Variants in RALA observed in about 807,000 individuals in gnomAD.
RALA encodes the protein ras-related protein Ral-A.
Under a neutral mutation model 24.0 loss-of-function variants are expected in RALA, and 5 were observed. The observed-to-expected ratio is 0.21, with a 90% CI of 0.11 to 0.44. The LOEUF is 0.44. RALA is among the 20% of genes least tolerant of loss of function. The pLI, the probability that RALA is intolerant of heterozygous loss-of-function variation, is 0.99. For synonymous variants in RALA, 77 were observed against 83.8 expected, an observed-to-expected ratio of 0.92 and a Z score of 0.44; for missense variants, 95 against 241.2, an observed-to-expected ratio of 0.39 and a Z score of 4.01.
intron 1 of RALA, among the ~76,000 whole-genome samples, chr7:39,663,433 A>G (rs932870060): frequency 6.6e-6 from 1 of 152,188 alleles, no homozygotes; most frequent in African/African-American, 2.4e-5. Flanking sequence ...GTGTTTGTAC[A>G]ACACTGTAAA....
At chr7:39,682,064 A>G (rs1349164011) in intron 1 of RALA, among the ~76,000 whole-genome samples, 2 of 152,260 alleles carry the variant, frequency 1.3e-5, no homozygotes, top group African/African-American at 4.8e-5. Context: ...AGGCTCCCTC[A>G]GTTTGAATTC....
At chr7:39,642,725 C>T (rs993280711) in intron 1 of RALA, among the ~76,000 whole-genome samples, 2 of 152,088 alleles carry the variant, frequency 1.3e-5, no homozygotes, top group Non-Finnish European at 2.9e-5. Flanking sequence ...TCTCTTTATT[C>T]CTTGGTTTGC....
intron 3 of RALA, among the ~76,000 whole-genome samples, chr7:39,693,368 T>G (rs916215659): frequency 2.0e-5 from 3 of 151,512 alleles, no homozygotes. Flanking sequence ...AATTGAACAA[T>G]GAGAACACTT....
Position 39,706,199 on chromosome 7 carries a change from G to A in RALA, c.575G>A (p.Arg192Lys). The change falls in exon 5 of 5, where the codon AGG becomes AAG. Residue 192 changes from arginine to lysine, a missense_variant. Physicochemically the swap from Arg to Lys is conservative, Grantham distance 26. Transcript: ENST00000005257. ...AAAGAAAAGAATGGAAAAAAGAAGA[G>A]GAAAAGTTTAGCCAAGAGAATCAGA... ...DSKEKNGKKKRKSLAKRIRER... is the reference protein window; with the variant it reads ...DSKEKNGKKKKKSLAKRIRER... 6.2e-7 allele frequency: 1 copy of A among 1,609,832 alleles called. No homozygotes were observed. The highest frequency in any genetic ancestry group is 8.5e-7 in the Non-Finnish European group (1 of 1,179,100).
chr7:39,657,363 G>T (rs1006509414), intron 1 of RALA, among the ~76,000 whole-genome samples: 7 of 151,970 alleles, frequency 4.6e-5, no homozygotes, highest in African/African-American at 1.5e-4. Flanking sequence ...TGAAGGGTTT[G>T]GATTATTTTA....
intron 1 of RALA, among the ~76,000 whole-genome samples, chr7:39,642,084 T>C (rs1275991351): frequency 6.6e-6 from 1 of 152,186 alleles, no homozygotes; most frequent in Non-Finnish European, 1.5e-5. Context: ...AAAGATCACC[T>C]CTACCCATCT....
intron 1 of RALA, among the ~76,000 whole-genome samples, chr7:39,632,126 A>G (rs937405748): frequency 3.9e-5 from 6 of 152,216 alleles, no homozygotes; most frequent in African/African-American, 1.4e-4. Context: ...AATCTGCCCT[A>G]TGACGGAAAC....
At chr7:39,636,730 T>C (rs930944042) in intron 1 of RALA, among the ~76,000 whole-genome samples, 1 of 152,216 alleles carries the variant, frequency 6.6e-6, no homozygotes, top group African/African-American at 2.4e-5. Flanking sequence ...TTTAATTGAC[T>C]CAGAGTTCTG....
intron 1 of RALA, among the ~76,000 whole-genome samples, chr7:39,646,086 A>T (rs1248024959): frequency 6.6e-6 from 1 of 152,216 alleles, no homozygotes; most frequent in African/African-American, 2.4e-5. Flanking sequence ...TAAGTGGCCA[A>T]CTGATAACTT....
intron 1 of RALA, among the ~76,000 whole-genome samples, chr7:39,663,201 A>G (rs1350054106): frequency 6.6e-6 from 1 of 152,236 alleles, no homozygotes; most frequent in Non-Finnish European, 1.5e-5. Flanking sequence ...ACACAACTAT[A>G]TGTGGTGCCA....
intron 1 of RALA, among the ~76,000 whole-genome samples, chr7:39,630,201 G>A (rs896255444): frequency 2.7e-5 from 4 of 146,916 alleles, no homozygotes; most frequent in African/African-American, 5.0e-5. Context: ...ATGCCACCAT[G>A]CCTTGCTAAT....
At chr7:39,639,105 A>T (rs1791735647) in intron 1 of RALA, among the ~76,000 whole-genome samples, 1 of 152,192 alleles carries the variant, frequency 6.6e-6, no homozygotes, top group Non-Finnish European at 1.5e-5. Flanking sequence ...AATGGTGTAT[A>T]ACAAAAACAA....
chr7:39,689,076 G>T (rs1583751716), intron 2 of RALA, among the ~76,000 whole-genome samples: 1 of 152,208 alleles, frequency 6.6e-6, no homozygotes, highest in East Asian at 1.9e-4. Context: ...AGGGAAATCT[G>T]CCCCCATGAT....
chr7:39,652,847 C>T (rs994069568), intron 1 of RALA, among the ~76,000 whole-genome samples: 3 of 151,788 alleles, frequency 2.0e-5, no homozygotes, highest in East Asian at 1.9e-4. Flanking sequence ...CTCACTGCCA[C>T]GTCTGCCTCC....
rs1792797680 is a variant in RALA, at chr7:39,690,595, G to A, written c.323+5G>A. On this transcript the variant is annotated splice_donor_5th_base_variant and intron_variant, in intron 3 of 4. Transcript: ENST00000005257. Reference sequence around the variant, plus strand: ...TGCAGCTACAGCTGACTTCAGGTATGTCCTAGAGTAATGTTGTTGCTTGTG... The same window carrying A: ...TGCAGCTACAGCTGACTTCAGGTATATCCTAGAGTAATGTTGTTGCTTGTG... 1.3e-6 allele frequency: 2 copies of A among 1,592,412 alleles called. No homozygotes were observed. Among genetic ancestry groups the A allele is most frequent in the South Asian group, 1.1e-5 (1 of 89,960 alleles).
chr7:39,652,307 A>G (rs894028953), intron 1 of RALA, among the ~76,000 whole-genome samples: 1 of 152,228 alleles, frequency 6.6e-6, no homozygotes, highest in Admixed American at 6.5e-5. Flanking sequence ...AAATTTCAAC[A>G]TGAGTTGGGA....
chr7:39,686,040 T>C (rs1287179193), intron 1 of RALA, among the ~76,000 whole-genome samples: 1 of 152,072 alleles, frequency 6.6e-6, no homozygotes, highest in Middle Eastern at 3.2e-3. Context: ...ACCCTGTCTC[T>C]ACTAAAAATG....
At chr7:39,659,617 C>T (rs1208151501) in intron 1 of RALA, among the ~76,000 whole-genome samples, 1 of 152,180 alleles carries the variant, frequency 6.6e-6, no homozygotes, top group Non-Finnish European at 1.5e-5. Flanking sequence ...CTTTGAACAG[C>T]ATCTGTCTCC....
chr7:39,653,385 G>A lies in RALA; in HGVS notation c.-38+29560G>A, dbSNP rs928437470. On this transcript the variant is annotated intron_variant, in intron 1 of 4. Coordinates refer to ENST00000005257, the MANE Select transcript of RALA (RefSeq NM_005402.4). Reference sequence around the variant, plus strand: ...TCTGTCACCCAGGCTGAAGTACAGTGGCACAGTCATGTCTCACTGCAGCTT... The same window carrying A: ...TCTGTCACCCAGGCTGAAGTACAGTAGCACAGTCATGTCTCACTGCAGCTT... 2.0e-5 allele frequency among the ~76,000 whole-genome samples: 3 copies of A among 152,198 alleles called. No homozygotes were observed. The East Asian group carries it at 5.8e-4, about 29-fold the overall frequency.
Sources: gnomAD v4.1 joint callset for allele counts (sites outside exome capture counted in the v4.1 genomes callset) on GRCh38, gnomAD v4.1.1 for gene constraint, MANE v1.5 for transcripts, NCBI Gene and HGNC (gene_info 2026-07-23, HGNC 2026-07-21) for gene names.